Variants in RNF13 observed in about 807,000 individuals in gnomAD.
The protein encoded by RNF13 is ring finger protein 13.
RNF13 carries 19 observed loss-of-function variants against 37.7 expected under a neutral mutation model. The ratio of observed to expected loss-of-function variants is 0.50; its 90% CI spans 0.35 to 0.74. The LOEUF is 0.74. Among genes scored for constraint, RNF13 ranks in the 30% least tolerant of loss-of-function variants. The pLI, the probability that RNF13 is intolerant of heterozygous loss-of-function variation, is 0.01. For missense variants in RNF13, 375 were observed against 453.0 expected, an observed-to-expected ratio of 0.83 and a Z score of 1.56; for synonymous variants, 144 against 157.8, an observed-to-expected ratio of 0.91 and a Z score of 0.65.
intron 5 of RNF13, among the ~76,000 whole-genome samples, chr3:149,896,302 A>G (rs1576839226): frequency 6.6e-6 from 1 of 152,148 alleles, no homozygotes; most frequent in Non-Finnish European, 1.5e-5. Context: ...ATTGATTCAT[A>G]TTTTCAGGGT....
At chr3:149,850,231 C>T (rs1356836518) in intron 2 of RNF13, among the ~76,000 whole-genome samples, 2 of 152,070 alleles carry the variant, frequency 1.3e-5, no homozygotes, top group Non-Finnish European at 1.5e-5. Flanking sequence ...CTGCCCACCT[C>T]GGCCTCCCAA....
rs1469512151 is a variant in RNF13, at chr3:149,961,965, CAG to C, written c.*863_*864del. On this transcript the variant is annotated 3_prime_UTR_variant, in exon 10 of 10. Transcript: ENST00000392894. ...TTGAAAGTAAGTGACTTATGTTTAA[CAG>C]AACTAATGATGTATTGAAACACTGT... 1 of 152,618 alleles carries C rather than the reference CAG, an allele frequency of 6.6e-6. No individual in the cohort carries two copies. The highest frequency in any genetic ancestry group is 1.5e-5 in the Non-Finnish European group (1 of 68,044). The allele number at this position is 152,618 out of a possible 1,614,324, so 9.5% of individuals were successfully genotyped here.
Position 149,948,170 on chromosome 3 carries a change from C to T in RNF13, c.701-11886C>T, listed in dbSNP as rs539303485. ...TTCACCATGCTGGCCAGGCTGGTCTCGAACTCCTAACCTCATGATCTGCCC... is the reference window on the plus strand; with the variant it reads ...TTCACCATGCTGGCCAGGCTGGTCTTGAACTCCTAACCTCATGATCTGCCC... On this transcript the variant is annotated intron_variant, in intron 8 of 9. Coordinates refer to ENST00000392894, the MANE Select transcript of RNF13 (RefSeq NM_183381.3). Among the ~76,000 whole-genome samples the T allele has an allele frequency of 4.3e-4, 66 of 151,986 alleles. 1 individual carries two copies. The highest frequency in any genetic ancestry group is 1.4e-3 in the African/African-American group (58 of 41,466).
At chr3:149,860,252 C>CA (rs535117044) in intron 3 of RNF13, among the ~76,000 whole-genome samples, 1,344 of 51,162 alleles carry the variant, frequency 0.026, 24 homozygotes, top group African/African-American at 0.096. Flanking sequence ...AGAGAGACTC[C>CA]ATCTAAAAAA....
At chr3:149,953,471 T>G (rs575585588) in intron 8 of RNF13, among the ~76,000 whole-genome samples, 5 of 152,352 alleles carry the variant, frequency 3.3e-5, no homozygotes, top group African/African-American at 9.6e-5. Context: ...TAAAAAATGG[T>G]CTTCATCCCT....
intron 1 of RNF13, among the ~76,000 whole-genome samples, chr3:149,818,362 T>C (rs1719677156): frequency 1.3e-5 from 2 of 152,212 alleles, no homozygotes; most frequent in South Asian, 2.1e-4. Context: ...ATGAATACTA[T>C]ACCAGATTGT....
At chr3:149,863,461 G>T (rs1724487497) in intron 3 of RNF13, among the ~76,000 whole-genome samples, 1 of 152,108 alleles carries the variant, frequency 6.6e-6, no homozygotes, top group South Asian at 2.1e-4. Context: ...CTCACTGCAA[G>T]CTATGCCTCC....
intron 2 of RNF13, among the ~76,000 whole-genome samples, chr3:149,848,719 T>G (rs1004415552): frequency 1.3e-5 from 2 of 151,946 alleles, no homozygotes; most frequent in Admixed American, 1.3e-4. Flanking sequence ...TGGTTGGTTG[T>G]TTTGTTTTGT....
rs201095288 is a variant in RNF13, at chr3:149,959,311, AAAACAAAC to A, written c.701-725_701-718del. Among the ~76,000 whole-genome samples the A allele has an allele frequency of 4.6e-5, 7 of 152,278 alleles. No homozygotes were observed. In the East Asian group the frequency reaches 5.8e-4, roughly 13 times the overall value. On this transcript the variant is annotated intron_variant, in intron 8 of 9. Transcript: ENST00000392894. ...CCAAAAGTGCGAGACTCCGTCTCCA[AAAACAAAC>A]AAACAAACAAACAAACAAAAACTGC... is the stretch of plus-strand genomic sequence containing the variant.
chr3:149,898,306 T>G (rs1389921687), intron 5 of RNF13, among the ~76,000 whole-genome samples: 1 of 152,146 alleles, frequency 6.6e-6, no homozygotes, highest in Non-Finnish European at 1.5e-5. Flanking sequence ...TCATTTTTTT[T>G]TTCCTTTTTT....
chr3:149,852,115 A>G (rs1723175574), intron 2 of RNF13, among the ~76,000 whole-genome samples: 1 of 152,184 alleles, frequency 6.6e-6, no homozygotes, highest in Admixed American at 6.5e-5. Context: ...GTCATTTTTC[A>G]TAGCTAGAGC....
chr3:149,878,373 G>C (rs1291296121), intron 4 of RNF13, among the ~76,000 whole-genome samples: 1 of 152,156 alleles, frequency 6.6e-6, no homozygotes, highest in African/African-American at 2.4e-5. Flanking sequence ...ATTAATGAGA[G>C]TTAAAATGTC....
intron 3 of RNF13, among the ~76,000 whole-genome samples, chr3:149,871,078 A>G (rs1436194506): frequency 1.6e-5 from 2 of 122,778 alleles, no homozygotes; most frequent in African/African-American, 3.1e-5. Context: ...GTTTCGCTCT[A>G]TCGCCCAGGC....
chr3:149,939,697 T>G (rs1720061561), intron 8 of RNF13: 3 of 807,184 alleles, frequency 3.7e-6, no homozygotes, highest in Non-Finnish European at 4.1e-6. Flanking sequence ...TTCATCATTA[T>G]TCACCTTAAA....
chr3:149,847,491 C>A (rs1722755856), intron 2 of RNF13, among the ~76,000 whole-genome samples: 1 of 152,072 alleles, frequency 6.6e-6, no homozygotes, highest in Admixed American at 6.6e-5. Context: ...CTTGAGAGAG[C>A]CAGGCTGGTT....
At chr3:149,901,871 A>G (rs563492777) in intron 5 of RNF13, among the ~76,000 whole-genome samples, 1 of 152,290 alleles carries the variant, frequency 6.6e-6, no homozygotes, top group South Asian at 2.1e-4. Context: ...TGTATATGCA[A>G]AATGTTAGCT....
chr3:149,902,033 A>T, intron 5 of RNF13, 39 bp from the exon 6 acceptor site: 1 of 926,894 alleles, frequency 1.1e-6, no homozygotes, highest in East Asian at 2.9e-5. Flanking sequence ...TACACTAAAT[A>T]TGGGCTTTTA....
At chr3:149,903,067 A>AT (rs1487137600) in intron 6 of RNF13, among the ~76,000 whole-genome samples, 1 of 152,166 alleles carries the variant, frequency 6.6e-6, no homozygotes, top group Non-Finnish European at 1.5e-5. Flanking sequence ...TTGAAAATGC[A>AT]TAAAAAGAAG....
At chr3:149,847,188 A>G (rs1031340879) in intron 2 of RNF13, among the ~76,000 whole-genome samples, 2 of 152,210 alleles carry the variant, frequency 1.3e-5, no homozygotes, top group Non-Finnish European at 2.9e-5. Context: ...AACATTTTTG[A>G]CTTAGATATT....
Sources: allele counts gnomAD v4.1 joint callset (sites outside exome capture counted in the v4.1 genomes callset), GRCh38; gene constraint gnomAD v4.1.1; transcripts MANE v1.5; gene names NCBI Gene and HGNC (gene_info 2026-07-23, HGNC 2026-07-21).